Variants in RBM20 observed in about 807,000 individuals in gnomAD.
RBM20 encodes RNA-binding protein 20.
In RBM20, 51 loss-of-function variants were observed where a neutral mutation model predicts 110.1. The observed-to-expected ratio is 0.46, with a 90% CI of 0.37 to 0.59. RBM20 has a LOEUF of 0.59. RBM20 is among the 20% of genes least tolerant of loss of function. RBM20 has a pLI of 0.00. For synonymous variants in RBM20, 589 were observed against 618.2 expected, an observed-to-expected ratio of 0.95 and a Z score of 0.70; for missense variants, 1,512 against 1,574.9, an observed-to-expected ratio of 0.96 and a Z score of 0.68.
At chr10:110,707,663 A>G (rs1016762175) in intron 1 of RBM20, among the ~76,000 whole-genome samples, 18 of 152,224 alleles carry the variant, frequency 1.2e-4, no homozygotes, top group Non-Finnish European at 2.9e-5. Context: ...AGGCACAGAA[A>G]GACAAATTTT....
chr10:110,773,974 G>A (rs1844228124), intron 1 of RBM20, among the ~76,000 whole-genome samples: 1 of 152,198 alleles, frequency 6.6e-6, no homozygotes, highest in Admixed American at 6.5e-5. Context: ...CCCAAAGGAA[G>A]TAGGCCCAGA....
At chr10:110,663,733 A>G (rs10885008) in intron 1 of RBM20, among the ~76,000 whole-genome samples, 58,598 of 152,140 alleles carry the variant, frequency 0.39, 13,361 homozygotes, top group East Asian at 0.61. Flanking sequence ...TAACCACACA[A>G]TTATTTCAGA....
chr10:110,740,048 C>A (rs1473254811), intron 1 of RBM20, among the ~76,000 whole-genome samples: 2 of 152,266 alleles, frequency 1.3e-5, no homozygotes, highest in Non-Finnish European at 2.9e-5. Context: ...GACAACAAGG[C>A]AGCTTGGCAT....
chr10:110,805,920 G>A (rs908464142), intron 7 of RBM20, among the ~76,000 whole-genome samples: 2 of 152,150 alleles, frequency 1.3e-5, no homozygotes, highest in Non-Finnish European at 2.9e-5. Flanking sequence ...AATATAGGGG[G>A]TGGGGAAGGA....
intron 1 of RBM20, among the ~76,000 whole-genome samples, chr10:110,684,423 AC>A (rs1021355839): frequency 3.4e-5 from 5 of 146,000 alleles, no homozygotes; most frequent in East Asian, 2.0e-4. Context: ...ACAAAACAAA[AC>A]AAAAGAAAAA....
intron 1 of RBM20, among the ~76,000 whole-genome samples, chr10:110,717,669 G>A (rs1232581209): frequency 6.6e-6 from 1 of 152,210 alleles, no homozygotes; most frequent in East Asian, 1.9e-4. Context: ...GTGTTCTGTA[G>A]TGGATCCTGG....
intron 5 of RBM20, among the ~76,000 whole-genome samples, chr10:110,791,916 C>G (rs938238484): frequency 1.3e-5 from 2 of 152,168 alleles, no homozygotes; most frequent in Non-Finnish European, 1.5e-5. Context: ...CGTGTGGCTC[C>G]TTGGCACTCA....
Position 110,737,193 on chromosome 10 carries a change from A to AAAAAAC in RBM20, c.192-43604_192-43603insACAAAA, listed in dbSNP as rs796374212. ...ACTCTGCCTCAAAAAAAAAAAAAAAAAAAACACCCCACACACACACTCAAA... is the reference window on the plus strand; with the variant it reads ...ACTCTGCCTCAAAAAAAAAAAAAAAAAAAAACAAAACACCCCACACACACACTCAAA... On this transcript the variant is annotated intron_variant, in intron 1 of 13. Coordinates refer to ENST00000369519, the MANE Select transcript of RBM20 (RefSeq NM_001134363.3). Among the ~76,000 whole-genome samples the AAAAAAC allele has an allele frequency of 6.8e-3, 794 of 116,484 alleles. 43 individuals carry two copies. Among genetic ancestry groups the AAAAAAC allele is most frequent in the East Asian group, 0.045 (168 of 3,752 alleles). 76.4% of individuals were successfully genotyped at this position (116,484 alleles called of 152,430 possible). A position where few individuals can be genotyped will look rare whatever the true frequency, so the allele number is the denominator to read the frequency against.
rs1844919941 is a variant in RBM20, at chr10:110,821,954, C to T, written c.3316+19C>T. On this transcript the variant is annotated intron_variant, in intron 11 of 13. Coordinates refer to ENST00000369519, the MANE Select transcript of RBM20 (RefSeq NM_001134363.3). ...ACCCCGGGTAACTATCTCCCCTTTCCTCACGGGTGGTCGGGTTGATTGGAC... is the reference window on the plus strand; with the variant it reads ...ACCCCGGGTAACTATCTCCCCTTTCTTCACGGGTGGTCGGGTTGATTGGAC... 1 of 1,551,182 alleles carries T rather than the reference C, an allele frequency of 6.4e-7. No homozygotes were observed. Among genetic ancestry groups the T allele is most frequent in the Non-Finnish European group, 8.7e-7 (1 of 1,146,560 alleles).
chr10:110,665,768 A>C (rs1862166527), intron 1 of RBM20, among the ~76,000 whole-genome samples: 1 of 152,192 alleles, frequency 6.6e-6, no homozygotes, highest in Non-Finnish European at 1.5e-5. Context: ...CATTAAAAAG[A>C]ATATTATTTA....
chr10:110,726,848 GT>G (rs1336658634), intron 1 of RBM20, among the ~76,000 whole-genome samples: 1 of 152,088 alleles, frequency 6.6e-6, no homozygotes, highest in Non-Finnish European at 1.5e-5. Flanking sequence ...CTGTATTTTT[GT>G]TTTGTTTTAT....
intron 7 of RBM20, among the ~76,000 whole-genome samples, chr10:110,803,511 G>A (rs961915729): frequency 5.3e-5 from 8 of 152,134 alleles, no homozygotes; most frequent in South Asian, 2.1e-4. Context: ...CTGTTATTGC[G>A]TATTTCTAAC....
chr10:110,812,187 A>C, intron 8 of RBM20, 91 bp from the exon 9 acceptor site: 1 of 1,127,022 alleles, frequency 8.9e-7, no homozygotes, highest in African/African-American at 1.6e-5. Context: ...CATGCACAGT[A>C]TATCTAAGAC....
At chr10:110,716,898 C>T (rs1863027135) in intron 1 of RBM20, among the ~76,000 whole-genome samples, 1 of 140,866 alleles carries the variant, frequency 7.1e-6, no homozygotes. Flanking sequence ...GCCTCAGTGA[C>T]ACAACTCCGT....
Position 110,728,673 on chromosome 10 carries a change from C to T in RBM20, c.192-52128C>T, listed in dbSNP as rs532889081. Among the ~76,000 whole-genome samples, 5 of 152,208 alleles carry T rather than the reference C, an allele frequency of 3.3e-5. No individual in the cohort carries two copies. The South Asian group carries it at 1.0e-3, about 32-fold the overall frequency. On this transcript the variant is annotated intron_variant, in intron 1 of 13. Coordinates refer to ENST00000369519, the MANE Select transcript of RBM20 (RefSeq NM_001134363.3). ...CATAATGCTTCTCTTTTGTGTGGTG[C>T]TCTCAACCTGTCAGGCTCACGTGTG...
At chr10:110,723,527 T>A (rs944391295) in intron 1 of RBM20, among the ~76,000 whole-genome samples, 12 of 152,234 alleles carry the variant, frequency 7.9e-5, no homozygotes, top group Non-Finnish European at 1.3e-4. Flanking sequence ...GGCTACACCA[T>A]TTTACACCAA....
rs1047268912 is a variant in RBM20 at position 110,781,771 on chromosome 10, T to C, written c.1162T>C (p.Leu388=). The change falls in exon 2 of 14, where the codon TTG becomes CTG. Residue 388 remains leucine, a synonymous_variant. Transcript: ENST00000369519. ...AGRRAKEDQA[L]LSVRPLQAHE... Reference sequence around the variant, plus strand: ...GCGGAGGGCCAAGGAGGACCAGGCGTTGCTATCTGTGCGGCCCCTGCAGGC... The same window carrying C: ...GCGGAGGGCCAAGGAGGACCAGGCGCTGCTATCTGTGCGGCCCCTGCAGGC... The C allele has an allele frequency of 1.7e-5, 26 of 1,551,698 alleles. No individual in the cohort carries two copies. The highest frequency in any genetic ancestry group is 1.7e-5 in the Non-Finnish European group (20 of 1,147,020).
intron 1 of RBM20, among the ~76,000 whole-genome samples, chr10:110,664,980 A>T (rs991126817): frequency 3.3e-5 from 5 of 151,658 alleles, no homozygotes; most frequent in Non-Finnish European, 5.9e-5. Context: ...GGCTCAAGCC[A>T]TCCTCCCACC....
chr10:110,803,968 T>C lies in RBM20; in HGVS notation c.1800+4050T>C, dbSNP rs370006542. On this transcript the variant is annotated intron_variant, in intron 7 of 13. Coordinates refer to ENST00000369519, the MANE Select transcript of RBM20 (RefSeq NM_001134363.3). The stretch of plus-strand genomic sequence containing the variant: ...ACGCTGCCTTCTGCTCTTTTGGCTT[T>C]GTTTACTGGGGGCTCCCTGGGATGG... 2.4e-4 allele frequency among the ~76,000 whole-genome samples: 36 copies of C among 152,220 alleles called. No individual in the cohort carries two copies. The South Asian group carries it at 6.0e-3, about 25-fold the overall frequency.
Sources: allele counts gnomAD v4.1 joint callset (sites outside exome capture counted in the v4.1 genomes callset), GRCh38; gene constraint gnomAD v4.1.1; transcripts MANE v1.5; gene names NCBI Gene and HGNC (gene_info 2026-07-23, HGNC 2026-07-21).